MEGF6: variants seen among roughly 807,000 people sequenced by gnomAD.
The protein encoded by MEGF6 is multiple epidermal growth factor-like domains protein 6.
MEGF6 carries 184 observed loss-of-function variants against 207.1 expected under a neutral mutation model. That is an observed-to-expected ratio of 0.89 (90% confidence interval 0.79 to 1.00). The LOEUF is 1.00. Among genes scored for constraint, MEGF6 ranks in the 50% least tolerant of loss-of-function variants. The pLI, the probability that MEGF6 is intolerant of heterozygous loss-of-function variation, is 0.00. For missense variants in MEGF6, 2,282 were observed against 2,202.9 expected (o/e 1.04, Z -0.72); for synonymous variants, 1,038 against 910.0 (o/e 1.14, Z -2.53).
intron 5 of MEGF6, 132 bp from the exon 6 acceptor site, chr1:3,515,659 C>T (rs966997143): frequency 3.1e-5 from 34 of 1,105,464 alleles, no homozygotes; most frequent in East Asian, 2.3e-4. Context: ...CCACTCCGAG[C>T]CCCTCCGCCT....
chr1:3,557,282 A>ACTT (rs1413192766), intron 4 of MEGF6, among the ~76,000 whole-genome samples: 1 of 152,174 alleles, frequency 6.6e-6, no homozygotes, highest in African/African-American at 2.4e-5. Context: ...GAAGCATTAC[A>ACTT]CTTCTAACCA....
intron 5 of MEGF6, 72 bp from the exon 6 acceptor site, chr1:3,515,599 G>A: frequency 6.4e-7 from 1 of 1,559,952 alleles, no homozygotes; most frequent in South Asian, 1.2e-5. Context: ...TGGCTGGCAT[G>A]GAGCAGGGAG....
intron 4 of MEGF6, among the ~76,000 whole-genome samples, chr1:3,540,282 G>C (rs1164141175): frequency 2.6e-5 from 4 of 152,248 alleles, no homozygotes; most frequent in African/African-American, 9.6e-5. Flanking sequence ...GGACGGAGCA[G>C]GCCTCTGACC....
intron 4 of MEGF6, among the ~76,000 whole-genome samples, chr1:3,555,047 C>G (rs1021721000): frequency 6.6e-6 from 1 of 152,180 alleles, no homozygotes; most frequent in East Asian, 1.9e-4. Context: ...CCAGCCACAC[C>G]CTCTTGTCCA....
chr1:3,491,887 G>A (rs1640386893), intron 35 of MEGF6, among the ~76,000 whole-genome samples: 1 of 151,812 alleles, frequency 6.6e-6, no homozygotes, highest in Admixed American at 6.6e-5. Flanking sequence ...GGGTCCTGAA[G>A]GTGGTGCTAA....
chr1:3,576,659 G>GC (rs1349494650), intron 4 of MEGF6, among the ~76,000 whole-genome samples: 3 of 151,512 alleles, frequency 2.0e-5, no homozygotes, highest in African/African-American at 7.3e-5. Context: ...CTGCACACCT[G>GC]GCCCTGCAAA....
chr1:3,491,057 C>T, intron 35 of MEGF6, 98 bp from the exon 36 acceptor site: 1 of 1,157,866 alleles, frequency 8.6e-7, no homozygotes, highest in Non-Finnish European at 1.2e-6. Flanking sequence ...CTTCAGGGAC[C>T]TCCACTTCCC....
chr1:3,591,585 G>A (rs1410293888), intron 3 of MEGF6, among the ~76,000 whole-genome samples: 2 of 152,208 alleles, frequency 1.3e-5, no homozygotes, highest in East Asian at 3.9e-4. Flanking sequence ...CCTAAGTCCT[G>A]GAGCCTGAGG....
intron 4 of MEGF6, 73 bp from the exon 5 acceptor site, chr1:3,524,319 T>G: frequency 9.6e-6 from 15 of 1,565,188 alleles, no homozygotes; most frequent in Non-Finnish European, 1.3e-5. Context: ...GCCCCCCAGG[T>G]GCCGGGGGCC....
intron 4 of MEGF6, among the ~76,000 whole-genome samples, chr1:3,533,079 C>T (rs1420198675): frequency 2.0e-5 from 3 of 152,234 alleles, no homozygotes; most frequent in African/African-American, 4.8e-5. Flanking sequence ...ACCTGCTGGC[C>T]GAGACCCACC....
Position 3,556,182 on chromosome 1 carries a change from A to G in MEGF6, c.481+23643T>C, listed in dbSNP as rs1643026338. ...GTCCCTGTTGCTGGGCCACCCTGTG[A>G]GTCCATGCTCTGCTCCCCAAGCCCC... On this transcript the variant is annotated intron_variant, in intron 4 of 36. Transcript: ENST00000356575. This position sits in a 1 kb window ranked among gnomAD's most constrained non-coding sequence, Gnocchi z 4.4. Among the ~76,000 whole-genome samples the G allele has an allele frequency of 6.6e-6, 1 of 152,222 alleles. No individual in the cohort carries two copies. The highest frequency in any genetic ancestry group is 6.5e-5 in the Admixed American group (1 of 15,284).
chr1:3,545,289 G>C (rs577317705), intron 4 of MEGF6, among the ~76,000 whole-genome samples: 3 of 152,310 alleles, frequency 2.0e-5, no homozygotes, highest in African/African-American at 7.2e-5. Context: ...AGGTAGGGGG[G>C]TCTGGTCTTC....
At chr1:3,623,741 T>C in the MEGF6 span, among the ~76,000 whole-genome samples, 1 of 152,248 alleles carries the variant, frequency 6.6e-6, no homozygotes, top group Admixed American at 6.5e-5. Context: ...GCCTGGCCTG[T>C]CTGCTGGCAA....
At chr1:3,562,118 C>T (rs1430111645) in intron 4 of MEGF6, among the ~76,000 whole-genome samples, 1 of 152,174 alleles carries the variant, frequency 6.6e-6, no homozygotes, top group Non-Finnish European at 1.5e-5. Context: ...TCTGCCCTCT[C>T]CTCTGTGTGT....
intron 2 of MEGF6, among the ~76,000 whole-genome samples, chr1:3,598,614 G>A (rs947877400): frequency 2.0e-5 from 3 of 151,896 alleles, no homozygotes; most frequent in South Asian, 2.1e-4. Context: ...CTGCAGCCCC[G>A]TGAAGACCAG....
At chr1:3,513,294 G>A (rs567374959) in intron 7 of MEGF6, among the ~76,000 whole-genome samples, 14 of 151,958 alleles carry the variant, frequency 9.2e-5, no homozygotes, top group Non-Finnish European at 1.3e-4. Context: ...TCACTGTAGC[G>A]TCAACCTCCT....
chr1:3,518,064 T>C (rs1641611760), intron 5 of MEGF6, among the ~76,000 whole-genome samples: 1 of 152,198 alleles, frequency 6.6e-6, no homozygotes, highest in South Asian at 2.1e-4. Context: ...CACTTCCAGA[T>C]CAGATGCAAC....
chr1:3,542,043 G>A (rs1642543726), intron 4 of MEGF6, among the ~76,000 whole-genome samples: 1 of 152,198 alleles, frequency 6.6e-6, no homozygotes, highest in Admixed American at 6.5e-5. Context: ...TTCCACCAGA[G>A]AAGGCGCCTG....
intron 35 of MEGF6, among the ~76,000 whole-genome samples, chr1:3,492,026 AAC>A (rs1037062627): frequency 1.3e-5 from 2 of 152,062 alleles, no homozygotes; most frequent in African/African-American, 4.8e-5. Flanking sequence ...ATGCACACGT[AAC>A]ACACAGGCAC....
Sources: allele counts gnomAD v4.1 joint callset (sites outside exome capture counted in the v4.1 genomes callset), GRCh38; gene constraint gnomAD v4.1.1; non-coding constraint Gnocchi (gnomAD v3.1); transcripts MANE v1.5; gene names NCBI Gene and HGNC (gene_info 2026-07-23, HGNC 2026-07-21).